CDH18: variants seen among roughly 807,000 people sequenced by gnomAD.
CDH18 encodes the protein cadherin-18.
In CDH18, 31 loss-of-function variants were observed where a neutral mutation model predicts 67.9. That is an observed-to-expected ratio of 0.46 (90% CI 0.34 to 0.62). The LOEUF is 0.62. Ranked by LOEUF, CDH18 falls within the 20% of genes least tolerant of loss-of-function variation. The pLI, the probability that CDH18 is intolerant of heterozygous loss-of-function variation, is 0.01. For missense variants in CDH18, 890 were observed against 975.5 expected, an observed-to-expected ratio of 0.91 and a Z score of 1.17; for synonymous variants, 362 against 347.2, an observed-to-expected ratio of 1.04 and a Z score of -0.48.
At chr5:19,541,455 G>A (rs752262103) in intron 9 of CDH18, among the ~76,000 whole-genome samples, 51 of 151,892 alleles carry the variant, frequency 3.4e-4, no homozygotes, top group Non-Finnish European at 6.6e-4. Flanking sequence ...GCACTACCCC[G>A]CTCTACTGGT....
intron 3 of CDH18, among the ~76,000 whole-genome samples, chr5:19,814,185 T>C (rs1561358842): frequency 2.0e-5 from 3 of 151,972 alleles, no homozygotes; most frequent in African/African-American, 2.4e-5. Flanking sequence ...GTTTCAAAAA[T>C]TATTTTATTA....
At chr5:20,172,208 A>ATATATATATATATATATG (rs1580399227) in intron 2 of CDH18, among the ~76,000 whole-genome samples, 2 of 66,522 alleles carry the variant, frequency 3.0e-5, no homozygotes, top group African/African-American at 1.4e-4. Context: ...ATATATATAT[A>ATATATATATATATATATG]TATATATATA....
Position 20,100,538 on chromosome 5 carries a change from C to T in CDH18, c.-517-108524G>A, listed in dbSNP as rs181691848. ...AAATATTTTCTCTCTGGAAGTTTAT[C>T]GGTTGTCAACATTGTGTACATTGAT... is the stretch of plus-strand genomic sequence containing the variant. On this transcript the variant is annotated intron_variant, in intron 2 of 14. Coordinates refer to the CDH18 transcript ENST00000507958. 1.9e-3 allele frequency among the ~76,000 whole-genome samples: 284 copies of T among 152,268 alleles called. 1 individual carries two copies. The highest frequency in any genetic ancestry group is 3.4e-3 in the Non-Finnish European group (230 of 68,016).
chr5:20,332,862 C>G (rs1739307945), intron 1 of CDH18, among the ~76,000 whole-genome samples: 1 of 151,940 alleles, frequency 6.6e-6, no homozygotes, highest in African/African-American at 2.4e-5. Flanking sequence ...GACTGGACAC[C>G]ATCCCATCAC....
At chr5:20,214,569 CA>C (rs2126405697) in intron 2 of CDH18, among the ~76,000 whole-genome samples, 2 of 151,812 alleles carry the variant, frequency 1.3e-5, no homozygotes, top group South Asian at 4.2e-4. Flanking sequence ...CAAAGCTGAC[CA>C]AAGCTGACAA....
chr5:19,818,414 T>C (rs1415057150), intron 3 of CDH18, among the ~76,000 whole-genome samples: 1 of 152,208 alleles, frequency 6.6e-6, no homozygotes. Context: ...TCAGCACTAT[T>C]CAACTTTTGA....
chr5:20,075,364 A>G (rs1743836221), intron 2 of CDH18, among the ~76,000 whole-genome samples: 1 of 152,080 alleles, frequency 6.6e-6, no homozygotes, highest in Admixed American at 6.6e-5. Flanking sequence ...TAAGCTGGGC[A>G]TTATGCTGTG....
At chr5:19,721,184 T>C (rs1227994583) in intron 5 of CDH18, among the ~76,000 whole-genome samples, 163 bp downstream of exon 5, 1 of 152,230 alleles carries the variant, frequency 6.6e-6, no homozygotes, top group African/African-American at 2.4e-5. Flanking sequence ...CATTAATTTA[T>C]TTTCAATTAT....
intron 2 of CDH18, among the ~76,000 whole-genome samples, chr5:20,077,647 G>A (rs533428378): frequency 2.0e-5 from 3 of 152,154 alleles, no homozygotes; most frequent in East Asian, 3.9e-4. Flanking sequence ...TAAAACTTCA[G>A]AAGAAAAAAT....
intron 2 of CDH18, among the ~76,000 whole-genome samples, chr5:19,851,836 A>T (rs555613350): frequency 6.6e-6 from 1 of 152,052 alleles, no homozygotes; most frequent in Admixed American, 6.6e-5. Flanking sequence ...GGTTCAAAAG[A>T]TTAACTTAAA....
intron 2 of CDH18, among the ~76,000 whole-genome samples, chr5:20,205,274 C>A (rs985933119): frequency 6.6e-6 from 1 of 151,802 alleles, no homozygotes; most frequent in Non-Finnish European, 1.5e-5. Context: ...AAGATTATAC[C>A]AAGAGACAAT....
intron 2 of CDH18, among the ~76,000 whole-genome samples, chr5:20,009,195 G>A (rs574116210): frequency 2.6e-5 from 4 of 152,122 alleles, no homozygotes; most frequent in South Asian, 2.1e-4. Context: ...GAAAGCCGAT[G>A]GGAGAAAATG....
intron 2 of CDH18, among the ~76,000 whole-genome samples, chr5:20,058,403 A>G (rs994253782): frequency 6.6e-6 from 1 of 152,084 alleles, no homozygotes; most frequent in Non-Finnish European, 1.5e-5. Context: ...TTGGACCACA[A>G]TGAAAAAAAA....
intron 2 of CDH18, among the ~76,000 whole-genome samples, chr5:20,098,422 A>G (rs1172947792): frequency 6.6e-6 from 1 of 152,118 alleles, no homozygotes; most frequent in African/African-American, 2.4e-5. Flanking sequence ...GATGTATATT[A>G]GGTATCTAGA....
chr5:19,653,583 T>C (rs1404729430), intron 5 of CDH18, among the ~76,000 whole-genome samples: 1 of 152,166 alleles, frequency 6.6e-6, no homozygotes, highest in Non-Finnish European at 1.5e-5. Flanking sequence ...GATCATCTTT[T>C]ACATCAAAGA....
chr5:20,297,879 C>T (rs1335957776), intron 1 of CDH18, among the ~76,000 whole-genome samples: 1 of 152,082 alleles, frequency 6.6e-6, no homozygotes, highest in Non-Finnish European at 1.5e-5. Flanking sequence ...GAAGTAGTTT[C>T]CTCTCAGTCA....
chr5:19,535,154 T>A (rs1015750104), intron 9 of CDH18, among the ~76,000 whole-genome samples: 3 of 152,176 alleles, frequency 2.0e-5, no homozygotes, highest in Non-Finnish European at 2.9e-5. Context: ...CACACTATTG[T>A]TTATTGATGT....
intron 3 of CDH18, among the ~76,000 whole-genome samples, chr5:19,834,265 C>A (rs1781374801): frequency 6.6e-6 from 1 of 151,526 alleles, no homozygotes; most frequent in Non-Finnish European, 1.5e-5. Context: ...AGGGTGTATA[C>A]ATCCAGGAAT....
At chr5:20,433,358 T>G (rs548449969) in intron 1 of CDH18, among the ~76,000 whole-genome samples, 72 of 152,160 alleles carry the variant, frequency 4.7e-4, no homozygotes, top group Non-Finnish European at 9.3e-4. Context: ...TTTATTTGTA[T>G]TTTAAAAATC....
Sources: allele counts gnomAD v4.1 joint callset (sites outside exome capture counted in the v4.1 genomes callset), GRCh38; gene constraint gnomAD v4.1.1; transcripts MANE v1.5; gene names NCBI Gene and HGNC (gene_info 2026-07-23, HGNC 2026-07-21).